CFAP95: variants seen among roughly 807,000 people sequenced by gnomAD.
CFAP95 encodes the protein cilia and flagella associated protein 95.
At chr9:69,881,135 GT>G in the CFAP95 span, among the ~76,000 whole-genome samples, 1 of 151,938 alleles carries the variant, frequency 6.6e-6, no homozygotes, top group Non-Finnish European at 1.5e-5. Flanking sequence ...TTTGTTGATT[GT>G]ATCCTTTGCC....
chr9:69,878,049 C>T, the CFAP95 span, among the ~76,000 whole-genome samples: 1 of 152,130 alleles, frequency 6.6e-6, no homozygotes, highest in Admixed American at 6.5e-5. Flanking sequence ...GCTCAATATC[C>T]TAGTTCAAGA....
chr9:69,905,101 T>C, the CFAP95 span, among the ~76,000 whole-genome samples: 6 of 152,200 alleles, frequency 3.9e-5, no homozygotes, highest in Non-Finnish European at 1.5e-5. Flanking sequence ...TACTTGTGCC[T>C]AACCCATAAT....
At chr9:69,874,112 T>G in the CFAP95 span, among the ~76,000 whole-genome samples, 1 of 152,160 alleles carries the variant, frequency 6.6e-6, no homozygotes, top group African/African-American at 2.4e-5. Flanking sequence ...GTGTGGCATA[T>G]CCTAGTGAAT....
the CFAP95 span, chr9:69,884,991 C>T: frequency 2.6e-5 from 4 of 152,162 alleles, no homozygotes; most frequent in Admixed American, 2.0e-4. Context: ...GGGTCCCACC[C>T]CTAGAGTTTC....
the CFAP95 span, among the ~76,000 whole-genome samples, chr9:69,872,884 C>A: frequency 1.3e-5 from 2 of 152,112 alleles, no homozygotes; most frequent in Non-Finnish European, 2.9e-5. Context: ...AAGAGGCAGA[C>A]AAATCTGGGT....
the CFAP95 span, among the ~76,000 whole-genome samples, chr9:69,868,772 C>A: frequency 2.7e-5 from 4 of 150,154 alleles, no homozygotes; most frequent in African/African-American, 9.8e-5. Flanking sequence ...AGCTTAATAT[C>A]CAAAATTTAC....
chr9:69,878,006 C>G, the CFAP95 span, among the ~76,000 whole-genome samples: 1 of 152,176 alleles, frequency 6.6e-6, no homozygotes, highest in Admixed American at 6.5e-5. Context: ...ATAGATAATT[C>G]TATCCAGGAG....
the CFAP95 span, among the ~76,000 whole-genome samples, chr9:69,824,502 T>C: frequency 3.0e-4 from 45 of 152,304 alleles, no homozygotes; most frequent in African/African-American, 1.1e-3. Flanking sequence ...ACGCTCTGCC[T>C]TTTTGTTTCA....
chr9:69,841,620 G>C, the CFAP95 span, among the ~76,000 whole-genome samples: 1 of 152,144 alleles, frequency 6.6e-6, no homozygotes, highest in Non-Finnish European at 1.5e-5. Context: ...ACCTGTATTA[G>C]TCGTTCTCAT....
chr9:69,888,246 G>A, the CFAP95 span, among the ~76,000 whole-genome samples: 2 of 152,126 alleles, frequency 1.3e-5, no homozygotes, highest in African/African-American at 4.8e-5. Flanking sequence ...ATTTAGGGAA[G>A]TAAGGGGTTT....
chr9:69,857,927 C>A, the CFAP95 span: 1 of 1,613,918 alleles, frequency 6.2e-7, no homozygotes, highest in South Asian at 1.1e-5. Flanking sequence ...GATTGCCTGC[C>A]ACAGGTTTTG....
chr9:69,853,567 A>G, the CFAP95 span, among the ~76,000 whole-genome samples: 1 of 152,214 alleles, frequency 6.6e-6, no homozygotes, highest in Non-Finnish European at 1.5e-5. Flanking sequence ...TGATATACAT[A>G]TATACAAAGC....
the CFAP95 span, among the ~76,000 whole-genome samples, chr9:69,851,043 C>G: frequency 1.3e-5 from 2 of 152,198 alleles, no homozygotes; most frequent in Non-Finnish European, 2.9e-5. Context: ...TTGATCCCAT[C>G]ACTTTCATTT....
At chr9:69,872,729 G>T in the CFAP95 span, among the ~76,000 whole-genome samples, 1 of 152,234 alleles carries the variant, frequency 6.6e-6, no homozygotes, top group Non-Finnish European at 1.5e-5. Context: ...TCATACCTGT[G>T]GTCCCAGCAT....
chr9:69,902,233 A>T, the CFAP95 span: 2 of 417,032 alleles, frequency 4.8e-6, no homozygotes, highest in East Asian at 7.5e-5. Flanking sequence ...TGTTTTTTTA[A>T]TTCTCACAAT....
chr9:69,874,678 A>G, the CFAP95 span, among the ~76,000 whole-genome samples: 1 of 152,160 alleles, frequency 6.6e-6, no homozygotes, highest in Non-Finnish European at 1.5e-5. Flanking sequence ...GGAGGATATT[A>G]CATCTCTCAG....
chr9:69,893,110 T>C, the CFAP95 span, among the ~76,000 whole-genome samples: 2 of 152,222 alleles, frequency 1.3e-5, no homozygotes, highest in Non-Finnish European at 2.9e-5. Context: ...CAGTACACTT[T>C]AACACATGCC....
the CFAP95 span, among the ~76,000 whole-genome samples, chr9:69,849,096 C>A: frequency 1.3e-5 from 2 of 152,248 alleles, no homozygotes; most frequent in African/African-American, 4.8e-5. Context: ...CCTTTCCCTA[C>A]TTTAGTTTTC....
At chr9:69,866,733 A>G in the CFAP95 span, among the ~76,000 whole-genome samples, 1 of 152,246 alleles carries the variant, frequency 6.6e-6, no homozygotes, top group Non-Finnish European at 1.5e-5. Context: ...AAAATTAGCC[A>G]TGACAAGCAC....
Sources: gnomAD v4.1 joint callset for allele counts (sites outside exome capture counted in the v4.1 genomes callset) on GRCh38, gnomAD v4.1.1 for gene constraint, MANE v1.5 for transcripts, NCBI Gene and HGNC (gene_info 2026-07-23, HGNC 2026-07-21) for gene names.